Variants in AUH observed in about 807,000 individuals in gnomAD.
AUH encodes the protein AU RNA binding methylglutaconyl-CoA hydratase.
AUH carries 29 observed loss-of-function variants against 42.3 expected under a neutral mutation model. That is an observed-to-expected ratio of 0.69 (90% confidence interval 0.51 to 0.93). The LOEUF is 0.93. AUH is among the 40% of genes least tolerant of loss of function. The probability of loss-of-function intolerance (pLI) is 0.00; values close to 1 mark genes in which losing one functional copy is unlikely to be tolerated. For synonymous variants in AUH, 174 were observed against 166.4 expected (o/e 1.05, Z -0.35); for missense variants, 452 against 438.1 (o/e 1.03, Z -0.28).
intron 4 of AUH, among the ~76,000 whole-genome samples, chr9:91,301,262 A>G (rs1231109802): frequency 6.6e-6 from 1 of 152,210 alleles, no homozygotes; most frequent in Non-Finnish European, 1.5e-5. Flanking sequence ...GGAGGCCGTG[A>G]TATTATGAAA....
intron 6 of AUH, among the ~76,000 whole-genome samples, chr9:91,261,790 C>A (rs957014097): frequency 1.3e-5 from 2 of 152,174 alleles, no homozygotes; most frequent in Non-Finnish European, 2.9e-5. Context: ...TACCTGTAAT[C>A]CAGTGTATGA....
chr9:91,277,828 T>C (rs1332277807), intron 6 of AUH, among the ~76,000 whole-genome samples: 1 of 152,262 alleles, frequency 6.6e-6, no homozygotes, highest in African/African-American at 2.4e-5. Flanking sequence ...TATTAGTGTT[T>C]ATATATTTTC....
intron 3 of AUH, among the ~76,000 whole-genome samples, chr9:91,343,882 T>G (rs964259069): frequency 6.6e-6 from 1 of 152,006 alleles, no homozygotes; most frequent in Non-Finnish European, 1.5e-5. Flanking sequence ...AAGACACAAA[T>G]TACCAAAACT....
rs1023083617 is a variant in AUH, at chr9:91,288,786, A to G, written c.655+7235T>C. On this transcript the variant is annotated intron_variant, in intron 6 of 9. Transcript: ENST00000375731. ...TTTAATAGTCATTTGATACTAAACA[A>G]TATTCTTTCTAATAAAAACTAAAAT... is the stretch of plus-strand genomic sequence containing the variant. Among the ~76,000 whole-genome samples, 161 of 152,248 alleles carry G rather than the reference A, an allele frequency of 1.1e-3. 1 individual carries two copies. The highest frequency in any genetic ancestry group is 6.8e-3 in the Middle Eastern group (2 of 294).
intron 6 of AUH, among the ~76,000 whole-genome samples, chr9:91,292,764 G>C (rs1827013308): frequency 6.6e-6 from 1 of 152,088 alleles, no homozygotes. Flanking sequence ...CATCTTCACT[G>C]TCTACGTAAG....
intron 6 of AUH, among the ~76,000 whole-genome samples, chr9:91,255,227 T>C (rs1187753394): frequency 6.6e-6 from 1 of 152,220 alleles, no homozygotes; most frequent in East Asian, 1.9e-4. Context: ...TGAGTAAATA[T>C]AGTCACAGTT....
At chr9:91,256,661 C>A (rs1339158032) in intron 6 of AUH, among the ~76,000 whole-genome samples, 1 of 152,042 alleles carries the variant, frequency 6.6e-6, no homozygotes, top group African/African-American at 2.4e-5. Context: ...ACTGCAGTGA[C>A]AGCTGTCCCT....
intron 3 of AUH, among the ~76,000 whole-genome samples, chr9:91,344,369 G>A (rs915770393): frequency 1.6e-4 from 25 of 151,952 alleles, no homozygotes; most frequent in African/African-American, 5.8e-4. Context: ...CTGAACCAAC[G>A]TACATCTTAC....
rs141409657 is a variant in AUH at position 91,318,503 on chromosome 9, G to C, written c.505+6815C>G. ...ATGTATTTACCTGGATGTTTGTTAA[G>C]CTCACACCATGCTCACTTATCTGGT... On this transcript the variant is annotated intron_variant, in intron 4 of 9. Transcript: ENST00000375731. 3.8e-3 allele frequency among the ~76,000 whole-genome samples: 571 copies of C among 152,262 alleles called. 2 individuals are homozygous for C. The highest frequency in any genetic ancestry group is 0.013 in the African/African-American group (532 of 41,532).
chr9:91,263,224 C>T (rs909622735), intron 6 of AUH, among the ~76,000 whole-genome samples: 2 of 152,156 alleles, frequency 1.3e-5, no homozygotes, highest in Non-Finnish European at 2.9e-5. Context: ...CATGGTTTAC[C>T]ACAGGATATG....
intron 6 of AUH, among the ~76,000 whole-genome samples, chr9:91,233,847 A>G (rs1249697069): frequency 6.6e-6 from 1 of 152,130 alleles, no homozygotes; most frequent in East Asian, 1.9e-4. Flanking sequence ...TGATGGTTTT[A>G]GTTATCAGGC....
chr9:91,280,512 C>T (rs1825879439), intron 6 of AUH, among the ~76,000 whole-genome samples: 1 of 152,106 alleles, frequency 6.6e-6, no homozygotes, highest in South Asian at 2.1e-4. Flanking sequence ...AATTAAAATA[C>T]TCATAACCAA....
chr9:91,270,187 G>C (rs1363585539), intron 6 of AUH, among the ~76,000 whole-genome samples: 1 of 152,176 alleles, frequency 6.6e-6, no homozygotes, highest in East Asian at 1.9e-4. Flanking sequence ...ACCATCAAAG[G>C]GAGGCTCCAA....
At chr9:91,234,667 A>G (rs1828076322) in intron 6 of AUH, among the ~76,000 whole-genome samples, 1 of 151,788 alleles carries the variant, frequency 6.6e-6, no homozygotes, top group Non-Finnish European at 1.5e-5. Flanking sequence ...TGATTAACCT[A>G]ACAAGTGCCA....
chr9:91,257,088 G>A (rs1829442948), intron 6 of AUH, among the ~76,000 whole-genome samples: 1 of 152,058 alleles, frequency 6.6e-6, no homozygotes, highest in African/African-American at 2.4e-5. Context: ...CCATCTATGT[G>A]GGCAGAAACT....
At chr9:91,217,393 T>C in intron 7 of AUH, 66 bp from the exon 8 acceptor site, 2 of 1,519,924 alleles carry the variant, frequency 1.3e-6, no homozygotes, top group Non-Finnish European at 1.8e-6. Flanking sequence ...TATATCTCAG[T>C]AAAATTCAGA....
intron 6 of AUH, among the ~76,000 whole-genome samples, chr9:91,289,852 G>T (rs940768026): frequency 1.3e-5 from 2 of 152,150 alleles, no homozygotes; most frequent in South Asian, 2.1e-4. Flanking sequence ...ACACAAAAAC[G>T]TATTTTTAAA....
intron 6 of AUH, among the ~76,000 whole-genome samples, chr9:91,270,488 T>C (rs1825028644): frequency 6.6e-6 from 1 of 152,212 alleles, no homozygotes. Context: ...ACGTCTACTG[T>C]AGATTCTCAA....
intron 4 of AUH, among the ~76,000 whole-genome samples, chr9:91,312,103 G>A (rs910816412): frequency 3.3e-5 from 5 of 151,650 alleles, no homozygotes; most frequent in Non-Finnish European, 7.4e-5. Flanking sequence ...GAACAATAAA[G>A]TAAATTTAGT....
Sources: gnomAD v4.1 joint callset for allele counts (sites outside exome capture counted in the v4.1 genomes callset) on GRCh38, gnomAD v4.1.1 for gene constraint, MANE v1.5 for transcripts, NCBI Gene and HGNC (gene_info 2026-07-23, HGNC 2026-07-21) for gene names.